RAB6A: variants seen among roughly 807,000 people sequenced by gnomAD.
RAB6A encodes ras-related protein Rab-6A.
Under a neutral mutation model 32.3 loss-of-function variants are expected in RAB6A, and 8 were observed. That is an observed-to-expected ratio of 0.25 (90% CI 0.15 to 0.45). The LOEUF (loss-of-function observed/expected upper bound fraction) is 0.45. RAB6A is among the 20% of genes least tolerant of loss of function. The pLI is 1.00. For missense variants in RAB6A, 104 were observed against 249.4 expected (o/e 0.42, Z 3.93); for synonymous variants, 73 against 82.1 (o/e 0.89, Z 0.60).
chr11:73,683,781 G>T (rs1590820827), intron 6 of RAB6A, among the ~76,000 whole-genome samples: 1 of 152,182 alleles, frequency 6.6e-6, no homozygotes, highest in Non-Finnish European at 1.5e-5. Context: ...TTAAACTCCT[G>T]ACCTCAGGTG....
chr11:73,713,069 T>C (rs1334298763), intron 5 of RAB6A, among the ~76,000 whole-genome samples: 1 of 152,116 alleles, frequency 6.6e-6, no homozygotes, highest in Non-Finnish European at 1.5e-5. Context: ...TCTTATCTTA[T>C]AACTTCAGAG....
At chr11:73,701,335 A>G (rs1294249831) in intron 6 of RAB6A, among the ~76,000 whole-genome samples, 2 of 152,256 alleles carry the variant, frequency 1.3e-5, no homozygotes, top group African/African-American at 4.8e-5. Flanking sequence ...CACAACGGTA[A>G]TAACAGGCAT....
At chr11:73,695,381 T>TG (rs1945640208) in intron 6 of RAB6A, among the ~76,000 whole-genome samples, 1 of 150,548 alleles carries the variant, frequency 6.6e-6, no homozygotes, top group Non-Finnish European at 1.5e-5. Context: ...GTTTTTTTGT[T>TG]TTTTTTTTTC....
intron 2 of RAB6A, among the ~76,000 whole-genome samples, chr11:73,725,996 C>A (rs919974451): frequency 2.0e-5 from 3 of 151,822 alleles, no homozygotes; most frequent in Non-Finnish European, 4.4e-5. Context: ...CTATTAAAAA[C>A]ACAAAAAAGG....
Position 73,751,002 on chromosome 11 carries a change from A to T in RAB6A, c.70+9564T>A, listed in dbSNP as rs141241822. ...TAATTTTTTGTAAAGATAGGGTCTCACTATGTTGCCCAGGCTGGTCTCCAA... is the reference window on the plus strand; with the variant it reads ...TAATTTTTTGTAAAGATAGGGTCTCTCTATGTTGCCCAGGCTGGTCTCCAA... On this transcript the variant is annotated intron_variant, in intron 1 of 7. Coordinates refer to ENST00000336083, the MANE Select transcript of RAB6A (RefSeq NM_198896.2). 2.4e-3 allele frequency among the ~76,000 whole-genome samples: 368 copies of T among 150,996 alleles called. 8 individuals carry two copies. The highest frequency in any genetic ancestry group is 0.022 in the Admixed American group (340 of 15,182).
rs1384505514 is a variant in RAB6A, at chr11:73,744,476, A to T, written c.71-13653T>A. Among the ~76,000 whole-genome samples, 5 of 134,826 alleles carry T rather than the reference A, an allele frequency of 3.7e-5. No individual in the cohort carries two copies. In the Admixed American group the frequency reaches 4.5e-4, roughly 12 times the overall value. 88.5% of individuals were successfully genotyped at this position (134,826 alleles called of 152,430 possible). On this transcript the variant is annotated intron_variant, in intron 1 of 7. Coordinates refer to ENST00000336083, the MANE Select transcript of RAB6A (RefSeq NM_198896.2). ...TAGTATACTGTGATGACACCACTGC[A>T]CTCCAGCCTGGGCAACAGAGTGAGA...
intron 6 of RAB6A, among the ~76,000 whole-genome samples, 196 bp downstream of exon 6, chr11:73,707,224 C>T (rs892836981): frequency 1.1e-4 from 17 of 151,898 alleles, no homozygotes; most frequent in African/African-American, 3.9e-4. Context: ...GTAGTTCTAT[C>T]CACGATCTGA....
In RAB6A at chr11:73,736,977, CA is replaced by C. The variant is rs535172648; in HGVS notation, c.71-6155del. Among the ~76,000 whole-genome samples the C allele has an allele frequency of 7.4e-3, 482 of 64,918 alleles. 1 individual carries two copies. Among genetic ancestry groups the C allele is most frequent in the Non-Finnish European group, 8.0e-3 (277 of 34,560 alleles). 42.6% of individuals were successfully genotyped at this position (64,918 alleles called of 152,430 possible). ...TGGGTGACACAGCGAGACACTGTCT[CA>C]AAAAAAAAAAAAAAAAAAAGAAGAA... is the stretch of plus-strand genomic sequence containing the variant. On this transcript the variant is annotated intron_variant, in intron 1 of 7. Transcript: ENST00000336083.
At chr11:73,751,898 T>C (rs894370028) in intron 1 of RAB6A, among the ~76,000 whole-genome samples, 1 of 151,904 alleles carries the variant, frequency 6.6e-6, no homozygotes, top group African/African-American at 2.4e-5. Flanking sequence ...CTCAGCAAGA[T>C]CATTCTGCAG....
intron 1 of RAB6A, among the ~76,000 whole-genome samples, chr11:73,751,505 C>T (rs1371795608): frequency 3.3e-5 from 5 of 152,072 alleles, no homozygotes; most frequent in African/African-American, 1.2e-4. Context: ...GGGCCAAGTA[C>T]ATCTAGAAAT....
At chr11:73,730,587 A>G (rs1424757433) in intron 2 of RAB6A, 178 bp downstream of exon 2, 2 of 544,058 alleles carry the variant, frequency 3.7e-6, no homozygotes, top group African/African-American at 2.0e-5. Context: ...AAATCAAATG[A>G]TAAAAGTTTA....
intron 3 of RAB6A, among the ~76,000 whole-genome samples, chr11:73,719,360 G>A (rs1052996137): frequency 1.3e-5 from 2 of 152,166 alleles, no homozygotes; most frequent in Non-Finnish European, 2.9e-5. Flanking sequence ...TTCCTATTGG[G>A]TCTAGAATAC....
At chr11:73,693,984 TGTGTGAA>T (rs1386431396) in intron 6 of RAB6A, among the ~76,000 whole-genome samples, 3 of 152,316 alleles carry the variant, frequency 2.0e-5, no homozygotes, top group African/African-American at 7.2e-5. Context: ...TGAAAGGTTA[TGTGTGAA>T]GTCTTTCCCT....
At chr11:73,693,399 A>AG (rs1404142491) in intron 6 of RAB6A, among the ~76,000 whole-genome samples, 1 of 152,128 alleles carries the variant, frequency 6.6e-6, no homozygotes, top group Non-Finnish European at 1.5e-5. Flanking sequence ...ATTAACCAGT[A>AG]GGTACATGAA....
At chr11:73,714,113 G>A (rs1946010098) in intron 5 of RAB6A, among the ~76,000 whole-genome samples, 2 of 146,980 alleles carry the variant, frequency 1.4e-5, no homozygotes, top group Admixed American at 1.4e-4. Context: ...AATCACTTAA[G>A]CCTGGGAGAC....
intron 2 of RAB6A, among the ~76,000 whole-genome samples, chr11:73,726,431 A>G (rs1946221807): frequency 6.6e-6 from 1 of 150,924 alleles, no homozygotes; most frequent in African/African-American, 2.4e-5. Flanking sequence ...AAATACAAAA[A>G]ATTAGCCAGG....
chr11:73,740,553 G>T (rs1019994132), intron 1 of RAB6A, among the ~76,000 whole-genome samples: 1 of 151,246 alleles, frequency 6.6e-6, no homozygotes, highest in African/African-American at 2.4e-5. Context: ...GACCTAAATT[G>T]AATCAAGATT....
intron 1 of RAB6A, among the ~76,000 whole-genome samples, chr11:73,733,876 A>G (rs1407420480): frequency 2.0e-5 from 3 of 152,318 alleles, no homozygotes; most frequent in South Asian, 4.1e-4. Flanking sequence ...ATAAAAAAGT[A>G]AAATTTCCAA....
intron 1 of RAB6A, 36 bp downstream of exon 1, chr11:73,760,530 G>A (rs1324050240): frequency 1.3e-6 from 2 of 1,573,036 alleles, no homozygotes; most frequent in Non-Finnish European, 1.7e-6. Flanking sequence ...GGGACGCTGC[G>A]GCCAGCTGCC....
Sources: allele counts gnomAD v4.1 joint callset (sites outside exome capture counted in the v4.1 genomes callset), GRCh38; gene constraint gnomAD v4.1.1; transcripts MANE v1.5; gene names NCBI Gene and HGNC (gene_info 2026-07-23, HGNC 2026-07-21).